Variants in MAN1C1 observed in about 807,000 individuals in gnomAD.
MAN1C1 encodes the protein mannosidase alpha class 1C member 1, also known as mannosyl-oligosaccharide 1,2-alpha-mannosidase IC.
A neutral mutation model predicts 71.5 loss-of-function variants in MAN1C1; 49 were observed. The ratio of observed to expected loss-of-function variants is 0.69; its 90% CI spans 0.54 to 0.87. MAN1C1 has a LOEUF of 0.87. MAN1C1 is among the 40% of genes least tolerant of loss of function. MAN1C1 has a pLI of 0.00. For missense variants in MAN1C1, 743 were observed against 835.0 expected, an observed-to-expected ratio of 0.89 and a Z score of 1.36; for synonymous variants, 352 against 343.7, an observed-to-expected ratio of 1.02 and a Z score of -0.27.
intron 3 of MAN1C1, among the ~76,000 whole-genome samples, chr1:25,747,125 T>C (rs887641399): frequency 8.5e-5 from 13 of 152,180 alleles, no homozygotes; most frequent in Non-Finnish European, 1.9e-4. Flanking sequence ...ACACAGCAGC[T>C]GCAGCAAGTG....
chr1:25,668,838 G>T (rs2045958635), intron 1 of MAN1C1, among the ~76,000 whole-genome samples: 1 of 152,166 alleles, frequency 6.6e-6, no homozygotes, highest in Non-Finnish European at 1.5e-5. Flanking sequence ...GATTACAGGC[G>T]TGAGCCACCG....
At position 25,616,816 on chromosome 1, in the gene MAN1C1, G is replaced by A. The variant is rs1342600313; in HGVS notation, c.-982G>A. 6.8e-6 allele frequency among the ~76,000 whole-genome samples: 1 copy of A among 147,924 alleles called. No homozygotes were observed. The highest frequency in any genetic ancestry group is 1.5e-5 in the Non-Finnish European group (1 of 66,396). On this transcript the variant is annotated 5_prime_UTR_variant, in exon 1 of 12. Coordinates refer to ENST00000374332, the MANE Select transcript of MAN1C1 (RefSeq NM_020379.4). This position sits in a 1 kb window ranked among gnomAD's most constrained non-coding sequence, Gnocchi z 5.6. ...AGTGAAAGCCCGAGCGGCGGCGGCG[G>A]CGGGGACGGCGGTGGAGGCGGCCGG...
intron 2 of MAN1C1, among the ~76,000 whole-genome samples, chr1:25,728,087 A>T (rs1400560308): frequency 1.3e-5 from 2 of 152,234 alleles, no homozygotes; most frequent in Non-Finnish European, 2.9e-5. Context: ...GCCAGGCCCC[A>T]GCCTCCTCCC....
rs534610480 is a variant in MAN1C1 at position 25,768,705 on chromosome 1, C to G, written c.1142-2952C>G. Among the ~76,000 whole-genome samples, 69 of 134,936 alleles carry G rather than the reference C, an allele frequency of 5.1e-4. 1 individual carries two copies. The highest frequency in any genetic ancestry group is 1.3e-3 in the South Asian group (5 of 3,724). The allele number at this position is 134,936 out of a possible 152,430, so 88.5% of individuals were successfully genotyped here. On this transcript the variant is annotated intron_variant, in intron 7 of 11. Coordinates refer to ENST00000374332, the MANE Select transcript of MAN1C1 (RefSeq NM_020379.4). ...CATCCACGCTCCCTTAACACACACA[C>G]ACTACATACACTCCCCCTACATACA...
chr1:25,732,390 G>T (rs1557783657), intron 2 of MAN1C1, among the ~76,000 whole-genome samples: 2 of 152,306 alleles, frequency 1.3e-5, no homozygotes, highest in East Asian at 3.9e-4. Context: ...TTGAGTCCTG[G>T]CTCCCTGTTC....
At chr1:25,752,356 G>A (rs375776991) in intron 4 of MAN1C1, among the ~76,000 whole-genome samples, 19 of 152,092 alleles carry the variant, frequency 1.2e-4, no homozygotes, top group African/African-American at 4.1e-4. Context: ...TGGTAGAGAC[G>A]GGGTTTCACC....
Position 25,778,309 on chromosome 1 carries a change from T to A in MAN1C1, c.1462T>A (p.Ser488Thr). 6.2e-7 allele frequency: 1 copy of A among 1,607,748 alleles called. No homozygotes were observed. Among genetic ancestry groups the A allele is most frequent in the Non-Finnish European group, 8.5e-7 (1 of 1,177,004 alleles). ...AAQITKTCHE[S>T]YARSDTKLGP... ...CCAGATCACCAAGACGTGTCACGAGTCATACGCCCGCTCAGGTAACCCTGC... is the reference window on the plus strand; with the variant it reads ...CCAGATCACCAAGACGTGTCACGAGACATACGCCCGCTCAGGTAACCCTGC... The change falls in exon 9 of 12, where the codon TCA becomes ACA. Residue 488 changes from serine to threonine, a missense_variant. Physicochemically the swap from Ser to Thr is moderately conservative, Grantham distance 58. Transcript: ENST00000374332. This position sits in a 1 kb window ranked among gnomAD's most constrained non-coding sequence, Gnocchi z 5.5.
At chr1:25,649,093 CAA>C (rs146861070) in intron 1 of MAN1C1, among the ~76,000 whole-genome samples, 2,888 of 152,308 alleles carry the variant, frequency 0.019, 92 homozygotes, top group African/African-American at 0.065. Context: ...ACACTTATGT[CAA>C]GCACGTACCA....
intron 2 of MAN1C1, among the ~76,000 whole-genome samples, chr1:25,724,640 G>A (rs2124285008): frequency 6.6e-6 from 1 of 152,340 alleles, no homozygotes; most frequent in African/African-American, 2.4e-5. Context: ...GGACATGAAT[G>A]CAGGAAGGGG....
chr1:25,720,251 G>C (rs1320164154), intron 2 of MAN1C1, among the ~76,000 whole-genome samples: 1 of 145,072 alleles, frequency 6.9e-6, no homozygotes. Context: ...TCACTCTGTT[G>C]CCCAGGCTGG....
At chr1:25,691,270 T>C (rs957372706) in intron 2 of MAN1C1, among the ~76,000 whole-genome samples, 1 of 152,086 alleles carries the variant, frequency 6.6e-6, no homozygotes, top group Admixed American at 6.6e-5. Flanking sequence ...TGAGCCAAGA[T>C]CGCGCCACTG....
intron 1 of MAN1C1, among the ~76,000 whole-genome samples, chr1:25,647,339 T>C (rs1255861087): frequency 6.6e-6 from 1 of 152,080 alleles, no homozygotes; most frequent in Non-Finnish European, 1.5e-5. Context: ...TTCCAGGTGG[T>C]GCCTGTGGTG....
chr1:25,626,991 A>G (rs2045304733), intron 1 of MAN1C1, among the ~76,000 whole-genome samples: 1 of 152,198 alleles, frequency 6.6e-6, no homozygotes, highest in South Asian at 2.1e-4. Flanking sequence ...TTTTAATTCC[A>G]GAAGCTTGAT....
chr1:25,717,313 G>A (rs1034728753), intron 2 of MAN1C1, among the ~76,000 whole-genome samples: 2 of 152,058 alleles, frequency 1.3e-5, no homozygotes, highest in Admixed American at 1.3e-4. Flanking sequence ...CAGTTCAAGA[G>A]CAGCTTGGTC....
At chr1:25,627,113 C>T (rs2045306279) in intron 1 of MAN1C1, among the ~76,000 whole-genome samples, 1 of 152,148 alleles carries the variant, frequency 6.6e-6, no homozygotes, top group Non-Finnish European at 1.5e-5. Flanking sequence ...AGTTGTTTAT[C>T]ACTATTTGTT....
At chr1:25,709,413 G>A (rs2046572618) in intron 2 of MAN1C1, among the ~76,000 whole-genome samples, 1 of 152,214 alleles carries the variant, frequency 6.6e-6, no homozygotes, top group South Asian at 2.1e-4. Flanking sequence ...AGCAATGAAT[G>A]AGTCCTGTCA....
At chr1:25,642,221 T>G (rs1394646666) in intron 1 of MAN1C1, among the ~76,000 whole-genome samples, 2 of 152,196 alleles carry the variant, frequency 1.3e-5, no homozygotes, top group Non-Finnish European at 2.9e-5. Flanking sequence ...TAAGCAGCCT[T>G]GCCCTTACAG....
intron 2 of MAN1C1, among the ~76,000 whole-genome samples, chr1:25,741,292 G>A (rs1031442709): frequency 6.6e-6 from 1 of 152,162 alleles, no homozygotes; most frequent in Non-Finnish European, 1.5e-5. Context: ...TGGATTTTAA[G>A]ATTTGAAATC....
chr1:25,677,957 G>C (rs1340759062), intron 1 of MAN1C1, among the ~76,000 whole-genome samples: 4 of 143,216 alleles, frequency 2.8e-5, no homozygotes, highest in Non-Finnish European at 6.0e-5. Flanking sequence ...ACCATACGAT[G>C]TCTTCTTTTT....
Sources: gnomAD v4.1 joint callset for allele counts (sites outside exome capture counted in the v4.1 genomes callset) on GRCh38, gnomAD v4.1.1 for gene constraint, Gnocchi (gnomAD v3.1) non-coding constraint, MANE v1.5 for transcripts, NCBI Gene and HGNC (gene_info 2026-07-23, HGNC 2026-07-21) for gene names.